UMPS: variants seen among roughly 807,000 people sequenced by gnomAD.
UMPS encodes uridine 5'-monophosphate synthase.
UMPS carries 21 observed loss-of-function variants against 38.9 expected under a neutral mutation model. The observed-to-expected ratio is 0.54, with a 90% confidence interval of 0.38 to 0.78. The LOEUF is 0.78. Among genes scored for constraint, UMPS ranks in the 30% least tolerant of loss-of-function variants. The pLI is 0.00. For synonymous variants in UMPS, 208 were observed against 219.3 expected (o/e 0.95, Z 0.45); for missense variants, 533 against 591.6 (o/e 0.90, Z 1.03).
At position 124,746,116 on chromosome 3, in the gene UMPS, T is replaced by A. The variant is rs1349387465; in HGVS notation, c.*2032T>A. 1 of 453,798 alleles carries A rather than the reference T, an allele frequency of 2.2e-6. No homozygotes were observed. Among genetic ancestry groups the A allele is most frequent in the African/African-American group, 2.0e-5 (1 of 49,968 alleles). The allele number at this position is 453,798 out of a possible 1,614,324, so 28.1% of individuals were successfully genotyped here. On this transcript the variant is annotated 3_prime_UTR_variant, in exon 6 of 6. Coordinates refer to ENST00000232607, the MANE Select transcript of UMPS (RefSeq NM_000373.4). ...CTTGAGGTCTGCCTCCTGCTAAGAGTCACATGCTCCTGTCCTTTAGAAATG... is the reference window on the plus strand; with the variant it reads ...CTTGAGGTCTGCCTCCTGCTAAGAGACACATGCTCCTGTCCTTTAGAAATG...
intron 5 of UMPS, 141 bp downstream of exon 5, chr3:124,742,407 A>G: frequency 5.8e-6 from 4 of 686,824 alleles, no homozygotes; most frequent in East Asian, 2.6e-5. Flanking sequence ...CCCTTTGGTA[A>G]CTATGTATCT....
In UMPS at chr3:124,748,454, TA is replaced by T. The variant is rs1309760835; in HGVS notation, c.*4371del. Reference sequence around the variant, plus strand: ...ACAAAGAGAAACAAAATAATTAGAATATTTTTTAACTTCTAAAGTTCAAGGT... The same window carrying T: ...ACAAAGAGAAACAAAATAATTAGAATTTTTTTAACTTCTAAAGTTCAAGGT... On this transcript the variant is annotated 3_prime_UTR_variant, in exon 6 of 6. Coordinates refer to ENST00000232607, the MANE Select transcript of UMPS (RefSeq NM_000373.4). 2.2e-6 allele frequency: 1 copy of T among 453,728 alleles called. No individual in the cohort carries two copies. The highest frequency in any genetic ancestry group is 2.0e-5 in the African/African-American group (1 of 49,960). The allele number at this position is 453,728 out of a possible 1,614,324, so 28.1% of individuals were successfully genotyped here.
intron 2 of UMPS, chr3:124,737,296 C>A: frequency 2.8e-6 from 1 of 355,938 alleles, no homozygotes; most frequent in East Asian, 6.0e-5. Flanking sequence ...AAAATTTGAT[C>A]ATAAAACACA....
intron 1 of UMPS, among the ~76,000 whole-genome samples, chr3:124,734,443 C>T (rs1391505369): frequency 3.9e-5 from 6 of 152,162 alleles, no homozygotes; most frequent in Non-Finnish European, 8.8e-5. Flanking sequence ...GATACTCAGC[C>T]TAATGGGTTA....
chr3:124,742,367 CCTT>C (rs2063563101), intron 5 of UMPS, 101 bp downstream of exon 5: 1 of 864,464 alleles, frequency 1.2e-6, no homozygotes, highest in Non-Finnish European at 2.0e-6. Context: ...TTAAGAAAAG[CCTT>C]CTTAGTCTAG....
At position 124,745,067 on chromosome 3, in the gene UMPS, C is replaced by T. The variant is rs11706036; in HGVS notation, c.*983C>T. The T allele has an allele frequency of 0.019, 8,424 of 454,110 alleles. 172 individuals are homozygous for T. Among genetic ancestry groups the T allele is most frequent in the East Asian group, 0.061 (873 of 14,394 alleles). 28.1% of individuals were successfully genotyped at this position (454,110 alleles called of 1,614,324 possible). A position where few individuals can be genotyped will look rare whatever the true frequency, so the allele number is the denominator to read the frequency against. ...ACAAGTGACAGCTTCCTGTGACTGA[C>T]TTCACAATTAGGAGGTCTAAGATTC... On this transcript the variant is annotated 3_prime_UTR_variant, in exon 6 of 6. Coordinates refer to ENST00000232607, the MANE Select transcript of UMPS (RefSeq NM_000373.4).
Position 124,745,791 on chromosome 3 carries a change from G to A in UMPS, c.*1707G>A, listed in dbSNP as rs1309322068. The A allele has an allele frequency of 4.4e-6, 2 of 453,984 alleles. No individual in the cohort carries two copies. The highest frequency in any genetic ancestry group is 8.8e-6 in the Non-Finnish European group (2 of 226,788). The allele number at this position is 453,984 out of a possible 1,614,324, so 28.1% of individuals were successfully genotyped here. A position where few individuals can be genotyped will look rare whatever the true frequency, so the allele number is the denominator to read the frequency against. ...TCTTAGGTGTCTTCAGTGTTGGAGT[G>A]ATATGTTGAGAGGCCTTTGGAGTGA... On this transcript the variant is annotated 3_prime_UTR_variant, in exon 6 of 6. Coordinates refer to ENST00000232607, the MANE Select transcript of UMPS (RefSeq NM_000373.4).
rs1298425378 is a variant in UMPS at position 124,747,076 on chromosome 3, G to A, written c.*2992G>A. On this transcript the variant is annotated 3_prime_UTR_variant, in exon 6 of 6. Transcript: ENST00000232607. ...AGGCTGGAGTATATCATGGCTCACT[G>A]CAACCTTGACTTGGGCTCAAGCGAT... 2 of 453,470 alleles carry A rather than the reference G, an allele frequency of 4.4e-6. No homozygotes were observed. Among genetic ancestry groups the A allele is most frequent in the Admixed American group, 2.4e-5 (1 of 42,512 alleles). 28.1% of individuals were successfully genotyped at this position (453,470 alleles called of 1,614,324 possible). A position where few individuals can be genotyped will look rare whatever the true frequency, so the allele number is the denominator to read the frequency against.
rs2063617861 is a variant in UMPS at position 124,748,238 on chromosome 3, T to G, written c.*4154T>G. On this transcript the variant is annotated 3_prime_UTR_variant, in exon 6 of 6. Transcript: ENST00000232607. Reference sequence around the variant, plus strand: ...AGCCACTGCTCCCGGCCTGTTGGAGTTCTTTACATTTATTTTATAATCAAT... The same window carrying G: ...AGCCACTGCTCCCGGCCTGTTGGAGGTCTTTACATTTATTTTATAATCAAT... 1 of 453,584 alleles carries G rather than the reference T, an allele frequency of 2.2e-6. No homozygotes were observed. The highest frequency in any genetic ancestry group is 2.0e-5 in the African/African-American group (1 of 49,882). The allele number at this position is 453,584 out of a possible 1,614,324, so 28.1% of individuals were successfully genotyped here.
In UMPS at chr3:124,744,500, G is replaced by A. The variant is rs761172615; in HGVS notation, c.*416G>A. ...TGAGATCACGGCTCATTGCAGCCTCGACCTCCCAGGTGATCCTCCCACCTC... is the reference window on the plus strand; with the variant it reads ...TGAGATCACGGCTCATTGCAGCCTCAACCTCCCAGGTGATCCTCCCACCTC... On this transcript the variant is annotated 3_prime_UTR_variant, in exon 6 of 6. Transcript: ENST00000232607. The A allele has an allele frequency of 1.3e-5, 6 of 453,576 alleles. No homozygotes were observed. The highest frequency in any genetic ancestry group is 4.0e-5 in the African/African-American group (2 of 49,866). 28.1% of individuals were successfully genotyped at this position (453,576 alleles called of 1,614,324 possible). A position where few individuals can be genotyped will look rare whatever the true frequency, so the allele number is the denominator to read the frequency against.
At position 124,745,986 on chromosome 3, in the gene UMPS, G is replaced by A. The variant is rs147465900; in HGVS notation, c.*1902G>A. 132 of 454,106 alleles carry A rather than the reference G, an allele frequency of 2.9e-4. No individual in the cohort carries two copies. The highest frequency in any genetic ancestry group is 4.8e-4 in the Non-Finnish European group (109 of 226,786). 28.1% of individuals were successfully genotyped at this position (454,106 alleles called of 1,614,324 possible). A position where few individuals can be genotyped will look rare whatever the true frequency, so the allele number is the denominator to read the frequency against. Reference sequence around the variant, plus strand: ...TCTGGGATGGGGCTTGAGAATTTGCGTTTCCAAAAAGGTCCCAGGTGATGC... The same window carrying A: ...TCTGGGATGGGGCTTGAGAATTTGCATTTCCAAAAAGGTCCCAGGTGATGC... On this transcript the variant is annotated 3_prime_UTR_variant, in exon 6 of 6. Transcript: ENST00000232607.
In UMPS at chr3:124,747,687, T is replaced by C. The variant is rs1235471560; in HGVS notation, c.*3603T>C. 1 of 453,690 alleles carries C rather than the reference T, an allele frequency of 2.2e-6. No individual in the cohort carries two copies. The highest frequency in any genetic ancestry group is 4.4e-6 in the Non-Finnish European group (1 of 226,422). 28.1% of individuals were successfully genotyped at this position (453,690 alleles called of 1,614,324 possible). A position where few individuals can be genotyped will look rare whatever the true frequency, so the allele number is the denominator to read the frequency against. On this transcript the variant is annotated 3_prime_UTR_variant, in exon 6 of 6. Transcript: ENST00000232607. ...GGTTTATTACACGGCAATATCTAGC[T>C]AAATACATTTAACTTGCTGCAGCTC...
Position 124,743,957 on chromosome 3 carries a change from T to C in UMPS, c.1316T>C (p.Ile439Thr), listed in dbSNP as rs201516429. 4.8e-5 allele frequency: 78 copies of C among 1,614,102 alleles called. No homozygotes were observed. Among genetic ancestry groups the C allele is most frequent in the Admixed American group, 3.3e-5 (2 of 60,000 alleles). ...GQQYNSPQEV[I>T]GKRGSDIIIV... ...CAGTACAATAGCCCACAAGAAGTTA[T>C]TGGCAAACGAGGTTCCGATATCATC... Residue 439 changes from isoleucine (I) to threonine (T), a missense_variant, in exon 6 of 6, where the codon ATT becomes ACT. By Grantham distance (89) the Ile-to-Thr change is moderately conservative (BLOSUM62 -1). Coordinates refer to ENST00000232607, the MANE Select transcript of UMPS (RefSeq NM_000373.4).
Position 124,740,006 on chromosome 3 carries a change from T to C in UMPS, c.983-18T>C. 6.2e-7 allele frequency: 1 copy of C among 1,613,934 alleles called. No individual in the cohort carries two copies. Among genetic ancestry groups the C allele is most frequent in the South Asian group, 1.1e-5 (1 of 91,064 alleles). Reference sequence around the variant, plus strand: ...TGTTTGAAAATCAGCAAATATCTTTTTTCCCCCTTCTTCTTAGGAGGTATC... The same window carrying C: ...TGTTTGAAAATCAGCAAATATCTTTCTTCCCCCTTCTTCTTAGGAGGTATC... On this transcript the variant is annotated intron_variant, in intron 3 of 5. Coordinates refer to ENST00000232607, the MANE Select transcript of UMPS (RefSeq NM_000373.4).
Position 124,731,522 on chromosome 3 carries a change from G to C in UMPS, c.156+895G>C, listed in dbSNP as rs17843787. 178 of 433,940 alleles carry C rather than the reference G, an allele frequency of 4.1e-4. 1 individual carries two copies. Among genetic ancestry groups the C allele is most frequent in the Non-Finnish European group, 1.3e-4 (29 of 215,882 alleles). 26.9% of individuals were successfully genotyped at this position (433,940 alleles called of 1,614,324 possible). A position where few individuals can be genotyped will look rare whatever the true frequency, so the allele number is the denominator to read the frequency against. On this transcript the variant is annotated intron_variant, in intron 1 of 5. Coordinates refer to ENST00000232607, the MANE Select transcript of UMPS (RefSeq NM_000373.4). ...ATTTTTTAGATGGGATCTCTCTTAC[G>C]TCACCCAGGCTGGAGTGCAGCTCTG...
At chr3:124,731,756 G>A (rs779742740) in intron 1 of UMPS, among the ~76,000 whole-genome samples, 5 of 151,970 alleles carry the variant, frequency 3.3e-5, no homozygotes, top group Non-Finnish European at 7.4e-5. Context: ...AATTAGCTGG[G>A]CATGGTGGTG....
chr3:124,748,912 C>G lies in UMPS; in HGVS notation c.*4828C>G, dbSNP rs758565995. 2.2e-6 allele frequency: 1 copy of G among 445,754 alleles called. No homozygotes were observed. Among genetic ancestry groups the G allele is most frequent in the East Asian group, 7.0e-5 (1 of 14,266 alleles). The allele number at this position is 445,754 out of a possible 1,614,324, so 27.6% of individuals were successfully genotyped here. A position where few individuals can be genotyped will look rare whatever the true frequency, so the allele number is the denominator to read the frequency against. On this transcript the variant is annotated 3_prime_UTR_variant, in exon 6 of 6. Coordinates refer to ENST00000232607, the MANE Select transcript of UMPS (RefSeq NM_000373.4). ...GCAGACCTGGTGGGCCTGAGAGTCT[C>G]AATCGTCAGGTAAGGACAGTCAGTG...
Position 124,746,349 on chromosome 3 carries a change from C to T in UMPS, c.*2265C>T, listed in dbSNP as rs754684822. The T allele has an allele frequency of 4.2e-5, 19 of 453,972 alleles. No individual in the cohort carries two copies. The highest frequency in any genetic ancestry group is 6.9e-5 in the East Asian group (1 of 14,400). The allele number at this position is 453,972 out of a possible 1,614,324, so 28.1% of individuals were successfully genotyped here. A position where few individuals can be genotyped will look rare whatever the true frequency, so the allele number is the denominator to read the frequency against. ...TTTGTGGTTTGCCCAGCAGCCTGGG[C>T]GTGTGCATTTCTAATGGGTGCCTCA... On this transcript the variant is annotated 3_prime_UTR_variant, in exon 6 of 6. Coordinates refer to ENST00000232607, the MANE Select transcript of UMPS (RefSeq NM_000373.4).
chr3:124,743,893 A>G (rs762832710), intron 5 of UMPS, 22 bp from the exon 6 acceptor site: 4 of 1,613,838 alleles, frequency 2.5e-6, no homozygotes, highest in Non-Finnish European at 2.5e-6. Flanking sequence ...ATGTGAAACA[A>G]CAATTTTTGT....
Sources: gnomAD v4.1 joint callset for allele counts (sites outside exome capture counted in the v4.1 genomes callset) on GRCh38, gnomAD v4.1.1 for gene constraint, MANE v1.5 for transcripts, NCBI Gene and HGNC (gene_info 2026-07-23, HGNC 2026-07-21) for gene names.